ZNF407: variants seen among roughly 807,000 people sequenced by gnomAD.
ZNF407 encodes zinc finger protein 407.
A neutral mutation model predicts 131.2 loss-of-function variants in ZNF407; 17 were observed. The ratio of observed to expected loss-of-function variants is 0.13; its 90% CI spans 0.09 to 0.19. ZNF407 has a LOEUF of 0.19. ZNF407 is among the 10% of genes least tolerant of loss of function. ZNF407 has a pLI of 1.00. For synonymous variants in ZNF407, 1,156 were observed against 1,062.0 expected (o/e 1.09, Z -1.72); for missense variants, 2,681 against 2,830.6 (o/e 0.95, Z 1.20).
Position 74,803,845 on chromosome 18 carries a change from C to T in ZNF407, c.4877+22343C>T. 15 of 1,050,250 alleles carry T rather than the reference C, an allele frequency of 1.4e-5. No homozygotes were observed. The South Asian group carries it at 1.9e-4, about 14-fold the overall frequency. The allele number at this position is 1,050,250 out of a possible 1,614,324, so 65.1% of individuals were successfully genotyped here. ...TGGTTTTTATCAATATTAATACTTT[C>T]TGGAGCATGGTTTCAAAAAGGTCAG... On this transcript the variant is annotated intron_variant, in intron 4 of 8. Coordinates refer to ENST00000299687, the MANE Select transcript of ZNF407 (RefSeq NM_017757.3).
chr18:75,009,264 T>C (rs1363962162), intron 8 of ZNF407, among the ~76,000 whole-genome samples: 1 of 152,230 alleles, frequency 6.6e-6, no homozygotes, highest in Admixed American at 6.5e-5. Flanking sequence ...TGCCTTCTTA[T>C]TGGTATATAG....
intron 8 of ZNF407, among the ~76,000 whole-genome samples, chr18:74,933,782 A>G (rs1391703400): frequency 2.0e-5 from 3 of 152,250 alleles, no homozygotes; most frequent in Non-Finnish European, 4.4e-5. Flanking sequence ...TTAATGGACT[A>G]AACATATGTT....
chr18:74,598,864 G>C (rs911208826), intron 1 of ZNF407, among the ~76,000 whole-genome samples: 1 of 152,266 alleles, frequency 6.6e-6, no homozygotes, highest in Admixed American at 6.5e-5. Flanking sequence ...GTTGCGCTGG[G>C]TTTTGAGTAG....
At chr18:74,908,828 A>G (rs914449974) in intron 7 of ZNF407, among the ~76,000 whole-genome samples, 1 of 152,122 alleles carries the variant, frequency 6.6e-6, no homozygotes, top group Non-Finnish European at 1.5e-5. Context: ...TTAAAGCAAC[A>G]TATATGGAGG....
At chr18:74,868,005 G>C (rs554757921) in intron 4 of ZNF407, among the ~76,000 whole-genome samples, 22 of 152,044 alleles carry the variant, frequency 1.4e-4, no homozygotes, top group Admixed American at 7.2e-4. Context: ...TCTTTTTTCT[G>C]TAAGCCTATT....
At chr18:74,792,444 A>G (rs1969843773) in intron 4 of ZNF407, among the ~76,000 whole-genome samples, 1 of 150,216 alleles carries the variant, frequency 6.7e-6, no homozygotes, top group African/African-American at 2.5e-5. Context: ...TGATTATGCA[A>G]TATGGTTATG....
chr18:74,809,495 G>A (rs1970162898), intron 4 of ZNF407, among the ~76,000 whole-genome samples: 1 of 152,144 alleles, frequency 6.6e-6, no homozygotes, highest in Non-Finnish European at 1.5e-5. Context: ...TTATAATGAT[G>A]GTTTCTTTGG....
intron 4 of ZNF407, among the ~76,000 whole-genome samples, chr18:74,812,442 A>G (rs758732856): frequency 1.3e-5 from 2 of 152,172 alleles, no homozygotes; most frequent in Non-Finnish European, 1.5e-5. Context: ...ATTATTGTTT[A>G]TTTTTTTCTA....
At chr18:74,836,427 G>T (rs1243506107) in intron 4 of ZNF407, among the ~76,000 whole-genome samples, 1 of 152,232 alleles carries the variant, frequency 6.6e-6, no homozygotes, top group Non-Finnish European at 1.5e-5. Context: ...GCAGGGAGCT[G>T]CTGTGTGTGT....
intron 4 of ZNF407, among the ~76,000 whole-genome samples, chr18:74,873,361 A>C (rs1356898347): frequency 6.6e-6 from 1 of 152,216 alleles, no homozygotes; most frequent in Non-Finnish European, 1.5e-5. Flanking sequence ...ATTTCAGAGA[A>C]GGAATACCTT....
intron 3 of ZNF407, among the ~76,000 whole-genome samples, chr18:74,673,734 A>G (rs957914608): frequency 6.6e-6 from 1 of 152,240 alleles, no homozygotes; most frequent in African/African-American, 2.4e-5. Context: ...TGTGTTAAAC[A>G]TACACAAGTG....
intron 7 of ZNF407, among the ~76,000 whole-genome samples, chr18:74,895,271 A>G (rs944937961): frequency 1.3e-4 from 19 of 151,378 alleles, no homozygotes; most frequent in African/African-American, 4.6e-4. Flanking sequence ...TAATATTGTA[A>G]CTCAGATAGT....
chr18:75,041,282 G>T (rs931472230), intron 8 of ZNF407, among the ~76,000 whole-genome samples: 1 of 152,176 alleles, frequency 6.6e-6, no homozygotes, highest in African/African-American at 2.4e-5. Flanking sequence ...ATAGTTAAAA[G>T]CCTTACCACG....
intron 8 of ZNF407, among the ~76,000 whole-genome samples, chr18:74,935,145 A>G (rs1359025419): frequency 3.2e-4 from 48 of 152,258 alleles, no homozygotes; most frequent in Admixed American, 2.9e-3. Context: ...TAAAGAATCC[A>G]TTAGTACAAA....
intron 1 of ZNF407, among the ~76,000 whole-genome samples, chr18:74,619,256 C>G (rs1481818172): frequency 6.6e-6 from 1 of 152,114 alleles, no homozygotes; most frequent in South Asian, 2.1e-4. Flanking sequence ...ACTGTACAAA[C>G]AAGGAAACCA....
intron 8 of ZNF407, among the ~76,000 whole-genome samples, chr18:74,955,714 C>T (rs776567728): frequency 1.6e-4 from 25 of 152,162 alleles, no homozygotes; most frequent in Non-Finnish European, 2.5e-4. Flanking sequence ...AGTGGGTACC[C>T]GAGTCACATC....
At chr18:75,052,097 G>A (rs865995265) in intron 8 of ZNF407, among the ~76,000 whole-genome samples, 43 of 152,308 alleles carry the variant, frequency 2.8e-4, no homozygotes, top group Middle Eastern at 3.4e-3. Context: ...GTCAAACACC[G>A]CTAGCAGTGC....
In ZNF407 at chr18:74,768,449, G is replaced by T. The variant is rs74660415; in HGVS notation, c.4803-12979G>T. Among the ~76,000 whole-genome samples the T allele has an allele frequency of 6.8e-3, 1,041 of 152,206 alleles. 31 individuals are homozygous for T. The highest frequency in any genetic ancestry group is 0.046 in the East Asian group (241 of 5,184). Reference sequence around the variant, plus strand: ...TGTAAATGTGGAAATCCCTTTTTTGGTGGATTTATTGATTGGTGTTTTATT... The same window carrying T: ...TGTAAATGTGGAAATCCCTTTTTTGTTGGATTTATTGATTGGTGTTTTATT... On this transcript the variant is annotated intron_variant, in intron 3 of 8. Coordinates refer to ENST00000299687, the MANE Select transcript of ZNF407 (RefSeq NM_017757.3).
chr18:74,934,218 C>T (rs1018285979), intron 8 of ZNF407, among the ~76,000 whole-genome samples: 1 of 152,050 alleles, frequency 6.6e-6, no homozygotes, highest in African/African-American at 2.4e-5. Flanking sequence ...TAAATGGTTT[C>T]GTGTTTGTGA....
Sources: gnomAD v4.1 joint callset for allele counts (sites outside exome capture counted in the v4.1 genomes callset) on GRCh38, gnomAD v4.1.1 for gene constraint, MANE v1.5 for transcripts, NCBI Gene and HGNC (gene_info 2026-07-23, HGNC 2026-07-21) for gene names.